Variants in FAR2 observed in about 807,000 individuals in gnomAD.
The protein encoded by FAR2 is epididymis secretory protein Li 81.
In FAR2, 19 loss-of-function variants were observed where a neutral mutation model predicts 56.0. The ratio of observed to expected loss-of-function variants is 0.34; its 90% confidence interval spans 0.24 to 0.50. FAR2 has a LOEUF of 0.50. Ranked by LOEUF, FAR2 falls within the 20% of genes least tolerant of loss-of-function variation. FAR2 has a pLI of 0.98. For synonymous variants in FAR2, 219 were observed against 218.8 expected (o/e 1.00, Z -0.01); for missense variants, 508 against 642.2 (o/e 0.79, Z 2.26).
chr12:29,197,208 G>C (rs973088097), intron 1 of FAR2, among the ~76,000 whole-genome samples: 1 of 152,124 alleles, frequency 6.6e-6, no homozygotes, highest in Non-Finnish European at 1.5e-5. Context: ...TGTTTCATAA[G>C]CTACTTAGTC....
chr12:29,225,878 G>A (rs189643896), intron 1 of FAR2, among the ~76,000 whole-genome samples: 1 of 152,152 alleles, frequency 6.6e-6, no homozygotes, highest in Non-Finnish European at 1.5e-5. Flanking sequence ...CACATGTGAA[G>A]GTGAAAGTGC....
In FAR2 at chr12:29,334,034, T is replaced by C; in HGVS notation, c.*240T>C. On this transcript the variant is annotated 3_prime_UTR_variant, in exon 12 of 12. Coordinates refer to ENST00000536681, the MANE Select transcript of FAR2 (RefSeq NM_001271783.2). The stretch of plus-strand genomic sequence containing the variant: ...AAATCCAAATTGTTTCCTAACATTC[T>C]ATTTTATGCCCTTGCGTATTAAACG... The C allele has an allele frequency of 2.6e-6, 1 of 381,006 alleles. No homozygotes were observed. The highest frequency in any genetic ancestry group is 4.4e-5 in the Admixed American group (1 of 22,772). 23.6% of individuals were successfully genotyped at this position (381,006 alleles called of 1,614,324 possible). A position where few individuals can be genotyped will look rare whatever the true frequency, so the allele number is the denominator to read the frequency against.
At chr12:29,263,510 TACAA>T (rs1179981677) in intron 1 of FAR2, among the ~76,000 whole-genome samples, 1 of 151,840 alleles carries the variant, frequency 6.6e-6, no homozygotes, top group Admixed American at 6.6e-5. Flanking sequence ...TTGGAAACTA[TACAA>T]ACACATAGAA....
rs116190919 is a variant in FAR2, at chr12:29,255,924, C to T, written c.-38-14488C>T. Among the ~76,000 whole-genome samples the T allele has an allele frequency of 6.7e-3, 1,020 of 152,210 alleles. 12 individuals are homozygous for T. The highest frequency in any genetic ancestry group is 0.023 in the African/African-American group (954 of 41,518). On this transcript the variant is annotated intron_variant, in intron 1 of 11. Coordinates refer to ENST00000536681, the MANE Select transcript of FAR2 (RefSeq NM_001271783.2). ...TCACTGTGTCACCCAGGCTTGAGTG[C>T]GGTGGCACAGTCTCAGCTCACTTCA...
chr12:29,191,838 A>G (rs1337334801), intron 1 of FAR2, among the ~76,000 whole-genome samples: 1 of 152,248 alleles, frequency 6.6e-6, no homozygotes, highest in African/African-American at 2.4e-5. Context: ...AGGAGAATGA[A>G]GAAAGCTTGA....
chr12:29,251,295 C>T (rs1397929639), intron 1 of FAR2, among the ~76,000 whole-genome samples: 1 of 152,172 alleles, frequency 6.6e-6, no homozygotes, highest in Admixed American at 6.5e-5. Flanking sequence ...AGGAAGGACC[C>T]TGATACACTG....
Position 29,333,916 on chromosome 12 carries a change from G to T in FAR2, c.*122G>T. On this transcript the variant is annotated 3_prime_UTR_variant, in exon 12 of 12. Transcript: ENST00000536681. The stretch of plus-strand genomic sequence containing the variant: ...CAAACTGTCAAATGTCACCTGTTAT[G>T]TATTCGTCCCTATTCCTTAACTATG... 1.1e-6 allele frequency: 1 copy of T among 890,626 alleles called. No homozygotes were observed. The highest frequency in any genetic ancestry group is 1.7e-6 in the Non-Finnish European group (1 of 586,926). The allele number at this position is 890,626 out of a possible 1,614,324, so 55.2% of individuals were successfully genotyped here.
chr12:29,304,097 A>G (rs1201392741), intron 4 of FAR2, among the ~76,000 whole-genome samples: 1 of 152,168 alleles, frequency 6.6e-6, no homozygotes, highest in Admixed American at 6.5e-5. Flanking sequence ...AACACTTTTC[A>G]CCATTGCCAC....
chr12:29,232,607 T>C (rs1045881760), intron 1 of FAR2, among the ~76,000 whole-genome samples: 2 of 152,146 alleles, frequency 1.3e-5, no homozygotes, highest in African/African-American at 4.8e-5. Flanking sequence ...TTTTCTTGCA[T>C]CCTGAACATT....
At chr12:29,176,408 C>T (rs1309814281) in intron 1 of FAR2, among the ~76,000 whole-genome samples, 1 of 152,120 alleles carries the variant, frequency 6.6e-6, no homozygotes, top group African/African-American at 2.4e-5. Flanking sequence ...TGAAAGCAGG[C>T]AGGTCATCTG....
intron 1 of FAR2, among the ~76,000 whole-genome samples, chr12:29,258,539 A>C (rs1423479818): frequency 6.6e-6 from 1 of 152,214 alleles, no homozygotes; most frequent in African/African-American, 2.4e-5. Flanking sequence ...ATTTTCACAA[A>C]ATAGCAATGA....
chr12:29,210,131 C>A (rs1414377285), intron 1 of FAR2, among the ~76,000 whole-genome samples: 1 of 152,008 alleles, frequency 6.6e-6, no homozygotes, highest in Non-Finnish European at 1.5e-5. Context: ...TCAATTGAGC[C>A]CCGGAGGTCA....
At chr12:29,271,238 A>G (rs1200021765) in intron 2 of FAR2, among the ~76,000 whole-genome samples, 2 of 152,102 alleles carry the variant, frequency 1.3e-5, no homozygotes, top group South Asian at 2.1e-4. Context: ...CTCCTCTCGG[A>G]AAAAAAAGAC....
intron 1 of FAR2, among the ~76,000 whole-genome samples, chr12:29,191,077 A>T (rs781502830): frequency 5.9e-5 from 9 of 152,332 alleles, no homozygotes; most frequent in Middle Eastern, 6.8e-3. Flanking sequence ...GAAGTGAGCT[A>T]GCTCTGGGAG....
chr12:29,301,514 G>C (rs1441212704), intron 4 of FAR2: 2 of 152,164 alleles, frequency 1.3e-5, no homozygotes, highest in Non-Finnish European at 2.9e-5. Flanking sequence ...TTTATGGTTG[G>C]TGCTTTCCTT....
intron 1 of FAR2, among the ~76,000 whole-genome samples, chr12:29,211,788 GT>G: frequency 1.3e-5 from 2 of 151,632 alleles, no homozygotes; most frequent in Middle Eastern, 6.8e-3. Context: ...AGCTCAGAAT[GT>G]GACTTTATTT....
chr12:29,225,425 G>T (rs144039301), intron 1 of FAR2, among the ~76,000 whole-genome samples: 7 of 152,214 alleles, frequency 4.6e-5, no homozygotes, highest in African/African-American at 1.4e-4. Context: ...GGCACAAAAA[G>T]TGTTAGCTAT....
chr12:29,183,450 C>T (rs533233912), intron 1 of FAR2, among the ~76,000 whole-genome samples: 9 of 152,292 alleles, frequency 5.9e-5, no homozygotes, highest in South Asian at 4.1e-4. Flanking sequence ...TAGCCCAATT[C>T]GAACTCAAGA....
At chr12:29,322,428 G>C (rs1949567437) in intron 10 of FAR2, among the ~76,000 whole-genome samples, 1 of 152,100 alleles carries the variant, frequency 6.6e-6, no homozygotes, top group Admixed American at 6.6e-5. Flanking sequence ...CCTCACCTCA[G>C]ACCTCCCTTC....
Sources: allele counts gnomAD v4.1 joint callset (sites outside exome capture counted in the v4.1 genomes callset), GRCh38; gene constraint gnomAD v4.1.1; transcripts MANE v1.5; gene names NCBI Gene and HGNC (gene_info 2026-07-23, HGNC 2026-07-21).